The following ARHGAP33 variants were observed in gnomAD, a reference collection of about 807,000 sequenced individuals.
ARHGAP33 encodes Rho GTPase activating protein 33.
ARHGAP33 carries 57 observed loss-of-function variants against 126.2 expected under a neutral mutation model. That is an observed-to-expected ratio of 0.45 (90% confidence interval 0.36 to 0.56). The LOEUF (loss-of-function observed/expected upper bound fraction) is 0.56. Ranked by LOEUF, ARHGAP33 falls within the 20% of genes least tolerant of loss-of-function variation. The pLI is 0.00. For synonymous variants in ARHGAP33, 711 were observed against 755.0 expected (o/e 0.94, Z 0.95); for missense variants, 1,500 against 1,748.3 (o/e 0.86, Z 2.53).
Position 35,787,160 on chromosome 19 carries a change from T to A in ARHGAP33, c.2603-8T>A. On this transcript the variant is annotated splice_polypyrimidine_tract_variant and splice_region_variant and intron_variant, in intron 20 of 20. Transcript: ENST00000007510. ...CCCAGCTGAACCCCTCTCCATTCAT[T>A]TATATAGGTCCTGATATGGAGTCAC... The A allele has an allele frequency of 6.2e-7, 1 of 1,608,116 alleles. No homozygotes were observed.
chr19:35,780,399 C>T, intron 7 of ARHGAP33, 22 bp from the exon 8 acceptor site: 1 of 1,602,916 alleles, frequency 6.2e-7, no homozygotes, highest in Non-Finnish European at 8.5e-7. Flanking sequence ...TGACCCTTCT[C>T]TTCCCACCCG....
Position 35,778,463 on chromosome 19 carries a change from G to A in ARHGAP33, c.271-1G>A. 2.5e-6 allele frequency: 4 copies of A among 1,614,168 alleles called. No individual in the cohort carries two copies. Among genetic ancestry groups the A allele is most frequent in the Non-Finnish European group, 3.4e-6 (4 of 1,180,030 alleles). On this transcript the variant is annotated splice_acceptor_variant, in intron 4 of 20. Transcript: ENST00000007510. LOFTEE classifies it high-confidence loss of function. ...TCCCTTCTGTCCCTCTGCTCCCACA[G>A]GGCCGTTCCTGGCCGGTTCTCCGGA...
At position 35,782,351 on chromosome 19, in the gene ARHGAP33, C is replaced by G; in HGVS notation, c.1086-22C>G. 1.4e-5 allele frequency: 23 copies of G among 1,591,418 alleles called. No individual in the cohort carries two copies. Among genetic ancestry groups the G allele is most frequent in the Non-Finnish European group, 1.9e-5 (22 of 1,162,408 alleles). ...AGCCCCTCTGACCTGGATCTTCCTCCTCCTTGACACGGTGGTCTCAGGCAC... is the reference window on the plus strand; with the variant it reads ...AGCCCCTCTGACCTGGATCTTCCTCGTCCTTGACACGGTGGTCTCAGGCAC... On this transcript the variant is annotated intron_variant, in intron 12 of 20. Transcript: ENST00000007510. The surrounding 1 kb of genome is among the most constrained non-coding windows in gnomAD (Gnocchi z 4.1).
chr19:35,787,616 C>G lies in ARHGAP33; in HGVS notation c.3051C>G (p.Ala1017=), dbSNP rs140899531. The change falls in exon 21 of 21, where the codon GCC becomes GCG. Residue 1017 remains alanine (A), a synonymous_variant. Coordinates refer to ENST00000007510, the MANE Select transcript of ARHGAP33 (RefSeq NM_001366178.1). ...GGGRDAPEAA[A]QSPCSVPSQV... ...GCAGGGATGCGCCAGAGGCAGCAGC[C>G]CAGTCCCCATGTTCTGTCCCCTCAC... The G allele has an allele frequency of 4.4e-6, 7 of 1,603,080 alleles. No homozygotes were observed. Among genetic ancestry groups the G allele is most frequent in the Middle Eastern group, 3.3e-4 (2 of 6,012 alleles).
intron 16 of ARHGAP33, 191 bp downstream of exon 16, chr19:35,784,508 G>A: frequency 1.5e-6 from 2 of 1,324,314 alleles, no homozygotes; most frequent in Non-Finnish European, 1.9e-6. Context: ...CTCCGCTCAG[G>A]ATTCCCACCT....
In ARHGAP33 at chr19:35,786,920, CTG is replaced by C. The variant is rs777822513; in HGVS notation, c.2451_2452del (p.Ala818LeufsTer32). ...GAACTGCTGGGGGCTGGGGGAGCAC[CTG>C]CCTCAGCCACCCCAACACCAGCTCT... is the stretch of plus-strand genomic sequence containing the variant. On this transcript the variant is annotated frameshift_variant, in exon 20 of 21. Coordinates refer to ENST00000007510, the MANE Select transcript of ARHGAP33 (RefSeq NM_001366178.1). LOFTEE classifies it high-confidence loss of function. The surrounding 1 kb of genome is among the most constrained non-coding windows in gnomAD (Gnocchi z 7.0). 4.3e-6 allele frequency: 7 copies of C among 1,610,458 alleles called. No individual in the cohort carries two copies. The highest frequency in any genetic ancestry group is 5.9e-6 in the Non-Finnish European group (7 of 1,179,518).
chr19:35,786,228 G>A lies in ARHGAP33; in HGVS notation c.1943-185G>A. On this transcript the variant is annotated intron_variant, in intron 19 of 20. Transcript: ENST00000007510. The surrounding 1 kb of genome is among the most constrained non-coding windows in gnomAD (Gnocchi z 7.0). ...GCTCACAGCCTGTGGGGCAGCCACAGGGCCTTCGTGCTTTGGGCCGGAAGT... is the reference window on the plus strand; with the variant it reads ...GCTCACAGCCTGTGGGGCAGCCACAAGGCCTTCGTGCTTTGGGCCGGAAGT... The A allele has an allele frequency of 7.0e-7, 1 of 1,418,998 alleles. No homozygotes were observed. The highest frequency in any genetic ancestry group is 9.2e-7 in the Non-Finnish European group (1 of 1,091,228). The allele number at this position is 1,418,998 out of a possible 1,614,324, so 87.9% of individuals were successfully genotyped here.
In ARHGAP33 at chr19:35,778,544, G is replaced by T. The variant is rs146045855; in HGVS notation, c.351G>T (p.Arg117=). 7.4e-4 allele frequency: 1,197 copies of T among 1,614,176 alleles called. 1 individual carries two copies. Among genetic ancestry groups the T allele is most frequent in the Non-Finnish European group, 9.9e-4 (1,164 of 1,180,028 alleles). The change falls in exon 5 of 21, where the codon CGG becomes CGT. Residue 117 remains arginine, a synonymous_variant. Coordinates refer to ENST00000007510, the MANE Select transcript of ARHGAP33 (RefSeq NM_001366178.1). The part of the protein sequence containing the change: ...DAHLHRCIFD[R]RFSCLPELPP... Reference sequence around the variant, plus strand: ...ACCTCCACCGGTGCATATTTGACCGGAGGTTCTCCTGCCTTCCGGAGCTTC... The same window carrying T: ...ACCTCCACCGGTGCATATTTGACCGTAGGTTCTCCTGCCTTCCGGAGCTTC...
In ARHGAP33 at chr19:35,786,402, C is replaced by A; in HGVS notation, c.1943-11C>A. ...TTCTCAGGGATGGTCTCACTGACCC[C>A]ACCCCTCCAGGCCTCCAGAGGCTGC... On this transcript the variant is annotated splice_polypyrimidine_tract_variant and intron_variant, in intron 19 of 20. Transcript: ENST00000007510. This position sits in a 1 kb window ranked among gnomAD's most constrained non-coding sequence, Gnocchi z 7.0. 1.3e-6 allele frequency: 2 copies of A among 1,524,358 alleles called. No homozygotes were observed. The allele number at this position is 1,524,358 out of a possible 1,614,324, so 94.4% of individuals were successfully genotyped here. A position where few individuals can be genotyped will look rare whatever the true frequency, so the allele number is the denominator to read the frequency against.
Position 35,788,094 on chromosome 19 carries a change from A to G in ARHGAP33, c.3529A>G (p.Arg1177Gly). Residue 1177 changes from arginine to glycine, a missense_variant, in exon 21 of 21, where the codon AGG (arginine) becomes GGG (glycine). By Grantham distance (125) the Arg-to-Gly change is moderately radical. Around this residue, in one of 6 missense-constraint regions of ARHGAP33, gnomAD observed 642 missense variants for 634.0 expected, o/e 1.01. Transcript: ENST00000007510. Reference protein sequence around the residue: ...PLYVNLALGPRGPSPASSSSS... With the variant: ...PLYVNLALGPGGPSPASSSSS... The stretch of plus-strand genomic sequence containing the variant: ...CTACGTCAACCTAGCTCTAGGGCCC[A>G]GGGGTCCCTCACCTGCCTCTTCCTC... 1 of 1,608,132 alleles carries G rather than the reference A, an allele frequency of 6.2e-7. No individual in the cohort carries two copies. Among genetic ancestry groups the G allele is most frequent in the South Asian group, 1.1e-5 (1 of 90,822 alleles).
chr19:35,778,700 G>A, intron 5 of ARHGAP33, 99 bp downstream of exon 5: 1 of 1,453,298 alleles, frequency 6.9e-7, no homozygotes, highest in South Asian at 1.4e-5. Flanking sequence ...TTAAATACTG[G>A]TATGGCCCAA....
chr19:35,785,978 C>G, intron 19 of ARHGAP33: 2 of 1,088,294 alleles, frequency 1.8e-6, no homozygotes, highest in Non-Finnish European at 2.2e-6. Flanking sequence ...GTATGGGGAG[C>G]TTGGCTTTTT....
At position 35,786,044 on chromosome 19, in the gene ARHGAP33, C is replaced by T. The variant is rs998643732; in HGVS notation, c.1943-369C>T. On this transcript the variant is annotated intron_variant, in intron 19 of 20. Coordinates refer to ENST00000007510, the MANE Select transcript of ARHGAP33 (RefSeq NM_001366178.1). This position sits in a 1 kb window ranked among gnomAD's most constrained non-coding sequence, Gnocchi z 7.0. The stretch of plus-strand genomic sequence containing the variant: ...GCTGGGTGCTGCTCTCCGACCTCTG[C>T]GGGGGGCTGCTTATCCACCCCACCC... The T allele has an allele frequency of 6.0e-6, 7 of 1,162,664 alleles. No homozygotes were observed. The highest frequency in any genetic ancestry group is 4.7e-5 in the East Asian group (1 of 21,098). 72.0% of individuals were successfully genotyped at this position (1,162,664 alleles called of 1,614,324 possible). A position where few individuals can be genotyped will look rare whatever the true frequency, so the allele number is the denominator to read the frequency against.
At position 35,788,604 on chromosome 19, in the gene ARHGAP33, T is replaced by A; in HGVS notation, c.*175T>A. ...TAATCTCAGCTTCCCTACCCTGGAC[T>A]GAAGGGTCTGCCCATCCCCCCACCA... is the stretch of plus-strand genomic sequence containing the variant. On this transcript the variant is annotated 3_prime_UTR_variant, in exon 21 of 21. Transcript: ENST00000007510. The A allele has an allele frequency of 1.7e-6, 1 of 590,310 alleles. No individual in the cohort carries two copies. The allele number at this position is 590,310 out of a possible 1,614,324, so 36.6% of individuals were successfully genotyped here.
Position 35,788,066 on chromosome 19 carries a change from C to T in ARHGAP33, c.3501C>T (p.Pro1167=), listed in dbSNP as rs1338877140. The change falls in exon 21 of 21, where the codon CCC becomes CCT. Residue 1167 remains proline, a synonymous_variant. Coordinates refer to ENST00000007510, the MANE Select transcript of ARHGAP33 (RefSeq NM_001366178.1). ...HPARRPTPPE[P]LYVNLALGPR... ...CTCGGCGCCCTACACCGCCTGAGCC[C>T]CTCTACGTCAACCTAGCTCTAGGGC... 2 of 1,611,620 alleles carry T rather than the reference C, an allele frequency of 1.2e-6. No individual in the cohort carries two copies. Among genetic ancestry groups the T allele is most frequent in the Admixed American group, 1.7e-5 (1 of 59,858 alleles).
At chr19:35,781,295 C>T (rs1440644927) in intron 12 of ARHGAP33, 43 bp downstream of exon 12, 2 of 1,581,296 alleles carry the variant, frequency 1.3e-6, no homozygotes, top group Non-Finnish European at 8.7e-7. Flanking sequence ...AGGCACTCAC[C>T]CAGCACCTCC....
intron 19 of ARHGAP33, chr19:35,785,771 C>T (rs1363764460): frequency 7.9e-7 from 1 of 1,262,740 alleles, no homozygotes; most frequent in Non-Finnish European, 1.0e-6. Context: ...AACCCAGCAG[C>T]CAGAACTAGA....
In ARHGAP33 at chr19:35,788,234, G is replaced by A. The variant is rs754366815; in HGVS notation, c.3669G>A (p.Pro1223=). 3.0e-5 allele frequency: 48 copies of A among 1,607,636 alleles called. 1 individual carries two copies. Among genetic ancestry groups the A allele is most frequent in the South Asian group, 1.9e-4 (17 of 90,792 alleles). ...PWGPRTPHRV[P]GPWGPPEPLL... Reference sequence around the variant, plus strand: ...GACCCCGTACCCCTCATAGGGTGCCGGGTCCCTGGGGCCCTCCTGAGCCTC... The same window carrying A: ...GACCCCGTACCCCTCATAGGGTGCCAGGTCCCTGGGGCCCTCCTGAGCCTC... The change falls in exon 21 of 21, where the codon CCG becomes CCA. Residue 1223 remains proline (P), a synonymous_variant. Coordinates refer to ENST00000007510, the MANE Select transcript of ARHGAP33 (RefSeq NM_001366178.1).
Position 35,787,153 on chromosome 19 carries a change from C to T in ARHGAP33, c.2603-15C>T, listed in dbSNP as rs1972161233. 6.2e-7 allele frequency: 1 copy of T among 1,608,136 alleles called. No homozygotes were observed. The highest frequency in any genetic ancestry group is 1.7e-5 in the Admixed American group (1 of 58,222). On this transcript the variant is annotated splice_polypyrimidine_tract_variant and intron_variant, in intron 20 of 20. Transcript: ENST00000007510. ...GCCTGGCCCCAGCTGAACCCCTCTC[C>T]ATTCATTTATATAGGTCCTGATATG...
Sources: gnomAD v4.1 joint callset for allele counts on GRCh38, gnomAD v4.1.1 for gene constraint, gnomAD v4.1.1 regional missense constraint, Gnocchi (gnomAD v3.1) non-coding constraint, MANE v1.5 for transcripts, NCBI Gene and HGNC (gene_info 2026-07-23, HGNC 2026-07-21) for gene names.